The following ADAMTS20 variants were observed in gnomAD, a reference collection of about 807,000 sequenced individuals.
The protein encoded by ADAMTS20 is ADAM metallopeptidase with thrombospondin type 1 motif 20.
ADAMTS20 carries 225 observed loss-of-function variants against 260.1 expected under a neutral mutation model. The ratio of observed to expected loss-of-function variants is 0.87; its 90% CI spans 0.78 to 0.97. The LOEUF (loss-of-function observed/expected upper bound fraction) is 0.97, where lower values mean the gene tolerates loss of function less well. ADAMTS20 is among the 50% of genes least tolerant of loss of function. ADAMTS20 has a pLI of 0.00. For synonymous variants in ADAMTS20, 802 were observed against 769.5 expected, an observed-to-expected ratio of 1.04 and a Z score of -0.70; for missense variants, 2,400 against 2,337.7, an observed-to-expected ratio of 1.03 and a Z score of -0.55.
downstream of ADAMTS20, among the ~76,000 whole-genome samples, chr12:43,352,937 T>C (rs1183917157): frequency 1.3e-5 from 2 of 152,142 alleles, no homozygotes; most frequent in Non-Finnish European, 2.9e-5. Context: ...TTTAACCACA[T>C]TGAAACAAAA....
chr12:43,482,614 T>C (rs1942458586), intron 7 of ADAMTS20, among the ~76,000 whole-genome samples: 1 of 152,280 alleles, frequency 6.6e-6, no homozygotes, highest in Admixed American at 6.5e-5. Flanking sequence ...CTGGGGCTGC[T>C]GCTTGTGCCT....
At chr12:43,542,090 C>T (rs1002261686) in intron 2 of ADAMTS20, among the ~76,000 whole-genome samples, 2 of 152,054 alleles carry the variant, frequency 1.3e-5, no homozygotes, top group Non-Finnish European at 2.9e-5. Context: ...CTTGTGGGCA[C>T]TGAGGTGTTA....
chr12:43,408,175 G>T (rs1940954493), intron 28 of ADAMTS20, among the ~76,000 whole-genome samples: 1 of 152,088 alleles, frequency 6.6e-6, no homozygotes, highest in Non-Finnish European at 1.5e-5. Context: ...CAAATCAAAT[G>T]AAACACTGCT....
chr12:43,524,713 A>G (rs1037051373), intron 3 of ADAMTS20, among the ~76,000 whole-genome samples: 1 of 152,214 alleles, frequency 6.6e-6, no homozygotes, highest in Non-Finnish European at 1.5e-5. Flanking sequence ...GAAATACAAA[A>G]TGCAGTGGAA....
intron 29 of ADAMTS20, among the ~76,000 whole-genome samples, chr12:43,386,441 G>A (rs1940479642): frequency 6.6e-6 from 1 of 152,148 alleles, no homozygotes; most frequent in African/African-American, 2.4e-5. Context: ...TTCAACCTTG[G>A]TGAATCTGTC....
At chr12:43,407,371 A>C (rs951997560) in intron 28 of ADAMTS20, among the ~76,000 whole-genome samples, 7 of 151,588 alleles carry the variant, frequency 4.6e-5, no homozygotes, top group African/African-American at 1.7e-4. Flanking sequence ...ATATATGTAC[A>C]TGTATGTACA....
Position 43,464,714 on chromosome 12 carries a change from A to G in ADAMTS20, c.1386T>C (p.Cys462=), listed in dbSNP as rs1448452429. Residue 462 remains cysteine (C), a synonymous_variant, in exon 10 of 39, where the codon TGT becomes TGC. Coordinates refer to ENST00000389420, the MANE Select transcript of ADAMTS20 (RefSeq NM_025003.5). ...TEFLDTGYGE[C]LLDKPDEEIY... The stretch of plus-strand genomic sequence containing the variant: ...TTTCTTCATCTGGTTTGTCAAGAAG[A>G]CATTCCCCGTAACCAGTACTGTAAC... The G allele has an allele frequency of 1.2e-6, 2 of 1,613,008 alleles. No individual in the cohort carries two copies. The highest frequency in any genetic ancestry group is 1.7e-6 in the Non-Finnish European group (2 of 1,179,308).
At chr12:43,407,277 T>C (rs1203090105) in intron 28 of ADAMTS20, among the ~76,000 whole-genome samples, 2 of 151,832 alleles carry the variant, frequency 1.3e-5, no homozygotes, top group Non-Finnish European at 2.9e-5. Flanking sequence ...AAAAACCAAA[T>C]GATTAACAAC....
chr12:43,504,796 C>T (rs1213860615), intron 3 of ADAMTS20, among the ~76,000 whole-genome samples: 2 of 151,952 alleles, frequency 1.3e-5, no homozygotes, highest in Non-Finnish European at 2.9e-5. Flanking sequence ...TCTTTAGGTG[C>T]TTCAATACCA....
rs61754845 is a variant in ADAMTS20, at chr12:43,439,936, A to G, written c.2424T>C (p.Ile808=). ...YSGSNNAVER[I]NSTNRQEKEL... is the part of the protein sequence containing the mutation. ...CTTTCTCTTGTCGATTAGTACTATTAATTCTTTCAACTGCGTTATTTGATC... is the reference window on the plus strand; with the variant it reads ...CTTTCTCTTGTCGATTAGTACTATTGATTCTTTCAACTGCGTTATTTGATC... Residue 808 remains isoleucine, a synonymous_variant, in exon 17 of 39, where the codon ATT becomes ATC. Coordinates refer to ENST00000389420, the MANE Select transcript of ADAMTS20 (RefSeq NM_025003.5). The G allele has an allele frequency of 4.1e-3, 6,658 of 1,606,310 alleles. 122 individuals carry two copies. The highest frequency in any genetic ancestry group is 0.04 in the African/African-American group (3,018 of 74,962).
chr12:43,502,084 T>A lies in ADAMTS20; in HGVS notation c.867+68A>T, dbSNP rs1942774558. On this transcript the variant is annotated intron_variant, in intron 4 of 38. Transcript: ENST00000389420. The stretch of plus-strand genomic sequence containing the variant: ...AAAGAGTTTGGAAAAAAAATTTAAT[T>A]CGACATGAAAAAATTTCATTAAGCT... 15 of 1,412,724 alleles carry A rather than the reference T, an allele frequency of 1.1e-5. No individual in the cohort carries two copies. The Admixed American group carries it at 3.1e-4, about 30-fold the overall frequency. 87.5% of individuals were successfully genotyped at this position (1,412,724 alleles called of 1,614,324 possible).
At chr12:43,467,508 C>A (rs1391977680) in intron 8 of ADAMTS20, among the ~76,000 whole-genome samples, 1 of 152,002 alleles carries the variant, frequency 6.6e-6, no homozygotes, top group Non-Finnish European at 1.5e-5. Context: ...TTAAATTAAA[C>A]AACTTACCCA....
intron 12 of ADAMTS20, 67 bp from the exon 13 acceptor site, chr12:43,452,762 G>A: frequency 7.2e-7 from 1 of 1,380,162 alleles, no homozygotes; most frequent in South Asian, 1.6e-5. Flanking sequence ...ACTTCTAAAA[G>A]TTCCATTCTT....
chr12:43,369,291 T>G lies in ADAMTS20; in HGVS notation c.5537A>C (p.Gln1846Pro), dbSNP rs1237858921. Reference sequence around the variant, plus strand: ...ATTAATCAAACAAATATGAAATACCTGTGGGCATCTGAAAGCACTGTAGCA... The same window carrying G: ...ATTAATCAAACAAATATGAAATACCGGTGGGCATCTGAAAGCACTGTAGCA... Reference protein sequence around the residue: ...GDCYSAFRCPQGQFSINLSGT... With the variant: ...GDCYSAFRCPPGQFSINLSGT... The change falls in exon 37 of 39, where the codon CAG (glutamine) becomes CCG (proline). Residue 1846 changes from glutamine to proline, a missense_variant and splice_region_variant. Transcript: ENST00000389420. 2 of 1,506,120 alleles carry G rather than the reference T, an allele frequency of 1.3e-6. No homozygotes were observed. The highest frequency in any genetic ancestry group is 1.8e-6 in the Non-Finnish European group (2 of 1,128,408). 93.3% of individuals were successfully genotyped at this position (1,506,120 alleles called of 1,614,324 possible). A position where few individuals can be genotyped will look rare whatever the true frequency, so the allele number is the denominator to read the frequency against.
intron 37 of ADAMTS20, among the ~76,000 whole-genome samples, chr12:43,363,672 A>C (rs992108844): frequency 1.3e-5 from 2 of 152,192 alleles, no homozygotes; most frequent in African/African-American, 4.8e-5. Flanking sequence ...TAAAACCTGG[A>C]GAAGTTCAAG....
At chr12:43,436,791 C>G (rs891831608) in intron 18 of ADAMTS20, among the ~76,000 whole-genome samples, 1 of 152,150 alleles carries the variant, frequency 6.6e-6, no homozygotes, top group African/African-American at 2.4e-5. Flanking sequence ...CCTGCTGGCA[C>G]CATGCCAACT....
intron 32 of ADAMTS20, among the ~76,000 whole-genome samples, chr12:43,377,089 A>C (rs1170461183): frequency 6.6e-6 from 1 of 152,234 alleles, no homozygotes; most frequent in Non-Finnish European, 1.5e-5. Context: ...TTAACCAATA[A>C]ATATTTCTTA....
At chr12:43,361,430 A>G (rs1939864841) in intron 37 of ADAMTS20, among the ~76,000 whole-genome samples, 1 of 152,264 alleles carries the variant, frequency 6.6e-6, no homozygotes, top group Non-Finnish European at 1.5e-5. Context: ...GTCTATGCCC[A>G]ATAACAACCA....
At chr12:43,369,477 A>G in intron 36 of ADAMTS20, 96 bp from the exon 37 acceptor site, 10 of 461,180 alleles carry the variant, frequency 2.2e-5, no homozygotes, top group Non-Finnish European at 3.4e-5. Context: ...TAGTAAATAT[A>G]CATATTTATA....
Sources: gnomAD v4.1 joint callset for allele counts (sites outside exome capture counted in the v4.1 genomes callset) on GRCh38, gnomAD v4.1.1 for gene constraint, MANE v1.5 for transcripts, NCBI Gene and HGNC (gene_info 2026-07-23, HGNC 2026-07-21) for gene names.